The following CRPPA variants were observed in gnomAD, a reference collection of about 807,000 sequenced individuals.
CRPPA encodes the protein D-ribitol-5-phosphate cytidylyltransferase.
In CRPPA, 43 loss-of-function variants were observed where a neutral mutation model predicts 52.0. That is an observed-to-expected ratio of 0.83 (90% CI 0.65 to 1.07). The LOEUF (loss-of-function observed/expected upper bound fraction) is 1.07. Ranked by LOEUF, CRPPA falls within the 50% of genes least tolerant of loss-of-function variation. The pLI, the probability that CRPPA is intolerant of heterozygous loss-of-function variation, is 0.00. For synonymous variants in CRPPA, 250 were observed against 203.5 expected, an observed-to-expected ratio of 1.23 and a Z score of -1.94; for missense variants, 629 against 551.7, an observed-to-expected ratio of 1.14 and a Z score of -1.40.
chr7:16,406,030 C>G (rs753834263), intron 2 of CRPPA, 31 bp downstream of exon 2: 2 of 1,598,616 alleles, frequency 1.3e-6, no homozygotes, highest in Non-Finnish European at 1.7e-6. Flanking sequence ...GTGCTTGTCC[C>G]TTCTATCTAG....
intron 3 of CRPPA, among the ~76,000 whole-genome samples, chr7:16,352,661 G>T (rs1369307370): frequency 6.6e-6 from 1 of 152,086 alleles, no homozygotes; most frequent in Non-Finnish European, 1.5e-5. Flanking sequence ...AATATTGTAA[G>T]TTAGTACAGC....
At chr7:16,274,107 C>T (rs1304369651) in intron 6 of CRPPA, among the ~76,000 whole-genome samples, 4 of 151,990 alleles carry the variant, frequency 2.6e-5, no homozygotes, top group Non-Finnish European at 2.9e-5. Flanking sequence ...TGGAGTGCAG[C>T]GGCGCGATCT....
intron 3 of CRPPA, among the ~76,000 whole-genome samples, chr7:16,318,789 G>T (rs1256398310): frequency 6.6e-6 from 1 of 152,116 alleles, no homozygotes; most frequent in African/African-American, 2.4e-5. Flanking sequence ...CACTTCCAAA[G>T]CAAGTCAGGC....
intron 6 of CRPPA, among the ~76,000 whole-genome samples, chr7:16,274,419 C>A (rs1358885900): frequency 3.3e-5 from 5 of 152,036 alleles, no homozygotes; most frequent in African/African-American, 4.8e-5. Flanking sequence ...ACTTTTAATT[C>A]TTTTTAACCA....
chr7:16,117,498 T>C (rs1356645870), intron 9 of CRPPA, among the ~76,000 whole-genome samples: 2 of 152,210 alleles, frequency 1.3e-5, no homozygotes, highest in South Asian at 2.1e-4. Flanking sequence ...TCAGGAAGGA[T>C]GGAAGAGCAA....
intron 5 of CRPPA, among the ~76,000 whole-genome samples, chr7:16,293,767 G>T (rs1562613450): frequency 6.6e-6 from 1 of 151,964 alleles, no homozygotes; most frequent in Non-Finnish European, 1.5e-5. Context: ...ATTTTTAAAA[G>T]ACACTTAATA....
intron 9 of CRPPA, among the ~76,000 whole-genome samples, chr7:16,125,404 T>C (rs937604765): frequency 4.6e-5 from 7 of 152,132 alleles, no homozygotes; most frequent in Admixed American, 4.6e-4. Context: ...TCATTTACTA[T>C]GGGGCCATTT....
chr7:16,261,742 C>T (rs1219770638), intron 6 of CRPPA, among the ~76,000 whole-genome samples: 1 of 152,004 alleles, frequency 6.6e-6, no homozygotes, highest in African/African-American at 2.4e-5. Context: ...TACATGTTTT[C>T]CTTCTGCTTC....
intron 3 of CRPPA, among the ~76,000 whole-genome samples, chr7:16,345,358 A>G (rs928746547): frequency 3.3e-5 from 5 of 152,328 alleles, no homozygotes; most frequent in Non-Finnish European, 2.9e-5. Flanking sequence ...CAAACGGAAT[A>G]CTTGAGGCTA....
At chr7:16,186,233 T>C (rs1003194156) in intron 9 of CRPPA, among the ~76,000 whole-genome samples, 6 of 152,218 alleles carry the variant, frequency 3.9e-5, no homozygotes, top group African/African-American at 1.4e-4. Context: ...TCCCAATGTA[T>C]TAGAGTTCAG....
chr7:16,313,361 C>T (rs888793047), intron 3 of CRPPA, among the ~76,000 whole-genome samples: 2 of 151,884 alleles, frequency 1.3e-5, no homozygotes, highest in Non-Finnish European at 2.9e-5. Flanking sequence ...CAGAGTTGCT[C>T]ATTATACTCC....
intron 3 of CRPPA, among the ~76,000 whole-genome samples, chr7:16,327,633 A>AATC (rs1785447108): frequency 6.6e-6 from 1 of 150,690 alleles, no homozygotes; most frequent in Non-Finnish European, 1.5e-5. Flanking sequence ...AAAAAGAGTA[A>AATC]ATCCAAGACC....
intron 2 of CRPPA, among the ~76,000 whole-genome samples, chr7:16,400,398 C>A (rs6949292): frequency 0.48 from 72,943 of 152,104 alleles, 18,570 homozygotes; most frequent in African/African-American, 0.64. Context: ...GGTTGACAGG[C>A]CTGGCACATG....
At position 16,089,397 on chromosome 7, in the gene CRPPA, CATA is replaced by C. The variant is rs1243643873; in HGVS notation, c.*2295_*2297del. 3.4e-5 allele frequency: 12 copies of C among 357,660 alleles called. 1 individual carries two copies. Among genetic ancestry groups the C allele is most frequent in the Non-Finnish European group, 7.4e-5 (12 of 162,734 alleles). 22.2% of individuals were successfully genotyped at this position (357,660 alleles called of 1,614,324 possible). On this transcript the variant is annotated 3_prime_UTR_variant, in exon 10 of 10. Transcript: ENST00000407010. ...ACATATATACGTATATATGTATGTA[CATA>C]ATGTGTATATATGTACGTACATACA...
intron 9 of CRPPA, among the ~76,000 whole-genome samples, chr7:16,110,664 T>C (rs572402047): frequency 2.6e-4 from 39 of 152,216 alleles, no homozygotes; most frequent in African/African-American, 8.4e-4. Flanking sequence ...AATTGATTTT[T>C]GACAAAGGTG....
chr7:16,406,587 G>A (rs1443787524), intron 1 of CRPPA, among the ~76,000 whole-genome samples: 1 of 152,182 alleles, frequency 6.6e-6, no homozygotes, highest in Non-Finnish European at 1.5e-5. Flanking sequence ...TATAGTAAAT[G>A]TACATAGTAT....
chr7:16,219,110 A>C (rs1782423991), intron 8 of CRPPA, among the ~76,000 whole-genome samples: 1 of 152,184 alleles, frequency 6.6e-6, no homozygotes, highest in South Asian at 2.1e-4. Context: ...CCACAGTGCA[A>C]TCAAACTAGA....
At chr7:16,281,291 T>C (rs193184083) in intron 5 of CRPPA, among the ~76,000 whole-genome samples, 150 of 131,960 alleles carry the variant, frequency 1.1e-3, no homozygotes, top group African/African-American at 3.8e-3. Flanking sequence ...GTTAGATTTA[T>C]TCTTGTTTGT....
chr7:16,379,608 C>G (rs189040427), intron 2 of CRPPA, among the ~76,000 whole-genome samples: 1,599 of 152,262 alleles, frequency 0.011, 8 homozygotes, highest in Non-Finnish European at 0.016. Flanking sequence ...AATATTGATT[C>G]CTCCTACCCA....
Sources: allele counts gnomAD v4.1 joint callset (sites outside exome capture counted in the v4.1 genomes callset), GRCh38; gene constraint gnomAD v4.1.1; transcripts MANE v1.5; gene names NCBI Gene and HGNC (gene_info 2026-07-23, HGNC 2026-07-21).